The following SYT17 variants were observed in gnomAD, a reference collection of about 807,000 sequenced individuals.
The protein encoded by SYT17 is synaptotagmin-17.
SYT17 carries 22 observed loss-of-function variants against 46.7 expected under a neutral mutation model. That is an observed-to-expected ratio of 0.47 (90% CI 0.34 to 0.67). SYT17 has a LOEUF of 0.67. SYT17 is among the 30% of genes least tolerant of loss of function. SYT17 has a pLI of 0.01. For missense variants in SYT17, 519 were observed against 612.8 expected (o/e 0.85, Z 1.62); for synonymous variants, 251 against 248.4 (o/e 1.01, Z -0.10).
chr16:19,189,335 TGTC>T (rs774857987), intron 5 of SYT17, among the ~76,000 whole-genome samples: 137 of 145,562 alleles, frequency 9.4e-4, no homozygotes, highest in Non-Finnish European at 1.6e-3. Flanking sequence ...GACCTCAACC[TGTC>T]TTTTTTTTTT....
rs1555459738 is a variant in SYT17 at position 19,220,303 on chromosome 16, C to CTTTTTTTTTTTTTTTTTTTTTTT, written c.952-2725_952-2724insTTTTTTTTTTTTTTTTTTTTTTT. On this transcript the variant is annotated intron_variant, in intron 5 of 7. Coordinates refer to ENST00000355377, the MANE Select transcript of SYT17 (RefSeq NM_016524.4). ...TTCAATGACATTTCTTTCTTTCTTT[C>CTTTTTTTTTTTTTTTTTTTTTTT]TTTTTTTTTTTTTTTTTGAGATGAA... 7.5e-5 allele frequency among the ~76,000 whole-genome samples: 6 copies of CTTTTTTTTTTTTTTTTTTTTTTT among 80,514 alleles called. 1 individual carries two copies. The highest frequency in any genetic ancestry group is 2.5e-4 in the African/African-American group (5 of 19,856). 52.8% of individuals were successfully genotyped at this position (80,514 alleles called of 152,430 possible). A position where few individuals can be genotyped will look rare whatever the true frequency, so the allele number is the denominator to read the frequency against.
At chr16:19,229,282 G>A (rs73532772) in intron 7 of SYT17, among the ~76,000 whole-genome samples, 6,871 of 152,252 alleles carry the variant, frequency 0.045, 542 homozygotes, top group African/African-American at 0.16. Context: ...TTGGCTCATG[G>A]GTCCTCAGGC....
intron 5 of SYT17, among the ~76,000 whole-genome samples, chr16:19,199,804 A>G (rs954865910): frequency 2.0e-5 from 3 of 152,226 alleles, no homozygotes; most frequent in Admixed American, 2.0e-4. Flanking sequence ...TAATGGGGCT[A>G]TAAGAAAAAC....
chr16:19,235,704 G>A (rs867312867), intron 7 of SYT17, among the ~76,000 whole-genome samples: 28 of 152,296 alleles, frequency 1.8e-4, no homozygotes, highest in Middle Eastern at 6.8e-3. Flanking sequence ...TGAAAAGAAT[G>A]ATAAGGTAGA....
In SYT17 at chr16:19,183,621, C is replaced by T. The variant is rs747054767; in HGVS notation, c.425C>T (p.Ser142Leu). The change falls in exon 5 of 8, where the codon TCG becomes TTG. Residue 142 changes from serine to leucine, a missense_variant. Ser to Leu is a moderately radical substitution (Grantham distance 145, BLOSUM62 -2). Transcript: ENST00000355377. The surrounding 1 kb of genome is among the most constrained non-coding windows in gnomAD (Gnocchi z 5.6). ...LSAKKEPIQP[S>L]VLRRTYNPDD... ...GCCAAGAAGGAGCCCATCCAACCTT[C>T]GGTGCTCAGACGGACCTATAACCCC... The T allele has an allele frequency of 1.5e-5, 24 of 1,614,062 alleles. No individual in the cohort carries two copies. The highest frequency in any genetic ancestry group is 2.7e-5 in the African/African-American group (2 of 74,918).
chr16:19,172,598 G>A, intron 1 of SYT17, 162 bp from the exon 2 acceptor site: 1 of 1,528,712 alleles, frequency 6.5e-7, no homozygotes, highest in Non-Finnish European at 8.7e-7. Flanking sequence ...TAGGAAGTCA[G>A]CTCCCTTCCC....
intron 5 of SYT17, among the ~76,000 whole-genome samples, chr16:19,205,807 C>T (rs1965648063): frequency 6.6e-6 from 1 of 152,200 alleles, no homozygotes; most frequent in African/African-American, 2.4e-5. Context: ...TAAAGAGCAG[C>T]CCTATCACTT....
intron 5 of SYT17, among the ~76,000 whole-genome samples, chr16:19,200,886 T>A (rs1965433458): frequency 6.6e-6 from 1 of 152,160 alleles, no homozygotes; most frequent in South Asian, 2.1e-4. Context: ...CTTAGGGAAT[T>A]AAACTGGGCA....
intron 7 of SYT17, among the ~76,000 whole-genome samples, chr16:19,240,859 G>A (rs1435733517): frequency 2.0e-5 from 3 of 152,092 alleles, no homozygotes; most frequent in African/African-American, 7.2e-5. Context: ...GGAAGGGGCC[G>A]AGGCATCAGG....
chr16:19,263,640 C>CAAAAAAAAA (rs1157288423), intron 7 of SYT17, among the ~76,000 whole-genome samples: 1 of 39,236 alleles, frequency 2.5e-5, no homozygotes, highest in Non-Finnish European at 5.8e-5. Context: ...AATTACAACT[C>CAAAAAAAAA]AAAAAAAAAA....
intron 5 of SYT17, among the ~76,000 whole-genome samples, chr16:19,211,665 G>T (rs1018886157): frequency 1.3e-5 from 2 of 151,650 alleles, no homozygotes; most frequent in African/African-American, 4.9e-5. Context: ...CTGTCGCCGA[G>T]GCTGGAGTGC....
At chr16:19,251,835 G>C (rs1326348624) in intron 7 of SYT17, among the ~76,000 whole-genome samples, 2 of 152,136 alleles carry the variant, frequency 1.3e-5, no homozygotes, top group Non-Finnish European at 2.9e-5. Flanking sequence ...TGCTGTGAGG[G>C]TGGAAAGGGA....
chr16:19,187,839 G>T lies in SYT17; in HGVS notation c.951+3692G>T, dbSNP rs114240325. The stretch of plus-strand genomic sequence containing the variant: ...TATTAAAAAGTCCAAAATAACAGAT[G>T]CTGGTGAGGTTATAGAGAAAAAGGA... On this transcript the variant is annotated intron_variant, in intron 5 of 7. Transcript: ENST00000355377. Among the ~76,000 whole-genome samples the T allele has an allele frequency of 5.4e-3, 828 of 152,302 alleles. 6 individuals are homozygous for T. Among genetic ancestry groups the T allele is most frequent in the African/African-American group, 0.019 (792 of 41,564 alleles).
At chr16:19,189,201 G>A (rs955803339) in intron 5 of SYT17, among the ~76,000 whole-genome samples, 1 of 151,956 alleles carries the variant, frequency 6.6e-6, no homozygotes, top group South Asian at 2.1e-4. Context: ...TAAGGACACC[G>A]GACACCAGTC....
rs925265170 is a variant in SYT17, at chr16:19,267,137, G to T, written c.*61G>T. On this transcript the variant is annotated 3_prime_UTR_variant, in exon 8 of 8. Coordinates refer to ENST00000355377, the MANE Select transcript of SYT17 (RefSeq NM_016524.4). ...AAAAAAAAAAAAGACGGAAAAAAAT[G>T]TGTCACATACTATTACATCCACACC... 14 of 1,400,570 alleles carry T rather than the reference G, an allele frequency of 1.0e-5. No individual in the cohort carries two copies. Among genetic ancestry groups the T allele is most frequent in the African/African-American group, 3.0e-5 (2 of 67,092 alleles). 86.8% of individuals were successfully genotyped at this position (1,400,570 alleles called of 1,614,324 possible).
At chr16:19,253,880 A>G (rs1011611233) in intron 7 of SYT17, among the ~76,000 whole-genome samples, 8 of 152,016 alleles carry the variant, frequency 5.3e-5, no homozygotes, top group African/African-American at 1.4e-4. Flanking sequence ...GGCGCCTGCC[A>G]CCATGCCTGG....
chr16:19,252,702 A>G (rs906487311), intron 7 of SYT17, among the ~76,000 whole-genome samples: 1 of 150,344 alleles, frequency 6.7e-6, no homozygotes. Flanking sequence ...TAATGTTTGC[A>G]TGAGGCACTT....
intron 7 of SYT17, among the ~76,000 whole-genome samples, chr16:19,262,852 C>G (rs752958390): frequency 6.6e-6 from 1 of 152,134 alleles, no homozygotes; most frequent in Non-Finnish European, 1.5e-5. Flanking sequence ...GCTGCAGGTG[C>G]TTGAGGAAGG....
At chr16:19,195,830 T>C (rs1883954843) in intron 5 of SYT17, among the ~76,000 whole-genome samples, 1 of 151,892 alleles carries the variant, frequency 6.6e-6, no homozygotes, top group African/African-American at 2.4e-5. Flanking sequence ...ACAAAAAATT[T>C]AAAACTTAGC....
Sources: gnomAD v4.1 joint callset for allele counts (sites outside exome capture counted in the v4.1 genomes callset) on GRCh38, gnomAD v4.1.1 for gene constraint, Gnocchi (gnomAD v3.1) non-coding constraint, MANE v1.5 for transcripts, NCBI Gene and HGNC (gene_info 2026-07-23, HGNC 2026-07-21) for gene names.